FAM25C: variants seen among roughly 807,000 people sequenced by gnomAD.
FAM25C encodes family with sequence similarity 25 member C.
Under a neutral mutation model 9.6 loss-of-function variants are expected in FAM25C, and 4 were observed. That is an observed-to-expected ratio of 0.42 (90% CI 0.20 to 0.95). The LOEUF (loss-of-function observed/expected upper bound fraction) is 0.95, where lower values mean the gene tolerates loss of function less well. FAM25C is among the 40% of genes least tolerant of loss of function. The pLI, the probability that FAM25C is intolerant of heterozygous loss-of-function variation, is 0.31. For missense variants in FAM25C, 38 were observed against 110.4 expected, an observed-to-expected ratio of 0.34 and a Z score of 2.94; for synonymous variants, 23 against 44.1, an observed-to-expected ratio of 0.52 and a Z score of 1.89.
chr10:47,995,563 T>C (rs1842790027), intron 2 of FAM25C, 52 bp from the exon 3 acceptor site: 4 of 1,533,694 alleles, frequency 2.6e-6, no homozygotes, highest in Non-Finnish European at 3.5e-6. Context: ...GCTGAACTTG[T>C]GTCCCCTTGA....
intron 2 of FAM25C, among the ~76,000 whole-genome samples, chr10:47,997,312 T>C (rs1243893321): frequency 6.9e-6 from 1 of 144,532 alleles, no homozygotes; most frequent in Non-Finnish European, 1.5e-5. Context: ...GGTTTCACCG[T>C]GTTAGCCAGG....
intron 2 of FAM25C, among the ~76,000 whole-genome samples, chr10:47,996,762 G>C (rs1555256509): frequency 7.4e-6 from 1 of 135,370 alleles, no homozygotes; most frequent in Admixed American, 7.4e-5. Context: ...TTTGTACATA[G>C]TACTACTCAT....
intron 2 of FAM25C, among the ~76,000 whole-genome samples, chr10:47,997,096 G>A (rs3125113): frequency 8.2e-5 from 12 of 145,626 alleles, no homozygotes; most frequent in South Asian, 2.2e-4. Context: ...TGGGATTACA[G>A]GCGTGAGCCA....
At chr10:47,997,540 T>C in intron 2 of FAM25C, 137 bp downstream of exon 2, 2 of 794,640 alleles carry the variant, frequency 2.5e-6, no homozygotes, top group Non-Finnish European at 4.2e-6. Context: ...CATAGATAAC[T>C]GCCCCAGCCA....
chr10:47,998,167 G>C (rs1289514666), intron 1 of FAM25C, among the ~76,000 whole-genome samples: 2 of 151,380 alleles, frequency 1.3e-5, no homozygotes, highest in Non-Finnish European at 3.0e-5. Flanking sequence ...GGCTGGGCCT[G>C]TGTGCCAGGT....
At chr10:47,998,541 G>T (rs1335929108) in intron 1 of FAM25C, among the ~76,000 whole-genome samples, 2 of 126,406 alleles carry the variant, frequency 1.6e-5, no homozygotes, top group Admixed American at 8.1e-5. Flanking sequence ...TGTGGAGGCT[G>T]CGAAGGCCCC....
intron 2 of FAM25C, among the ~76,000 whole-genome samples, chr10:47,997,186 G>T (rs1198780396): frequency 1.3e-4 from 19 of 148,054 alleles, no homozygotes; most frequent in Admixed American, 5.4e-4. Flanking sequence ...TAGGCTCACT[G>T]CAAGCTCTGC....
chr10:47,997,335 T>C (rs1288708221), intron 2 of FAM25C, among the ~76,000 whole-genome samples: 1 of 151,424 alleles, frequency 6.6e-6, no homozygotes, highest in African/African-American at 2.4e-5. Context: ...GGTCTCGATC[T>C]CCTGACCTCG....
intron 2 of FAM25C, 125 bp downstream of exon 2, chr10:47,997,552 G>A (rs1842820017): frequency 1.3e-6 from 1 of 790,230 alleles, no homozygotes; most frequent in African/African-American, 1.7e-5. Flanking sequence ...CCCCAGCCAA[G>A]AGGCTCTGAA....
intron 1 of FAM25C, among the ~76,000 whole-genome samples, chr10:47,998,121 G>A (rs1202008746): frequency 6.6e-6 from 1 of 151,526 alleles, no homozygotes; most frequent in African/African-American, 2.4e-5. Context: ...GAATGGCAAT[G>A]AGCAGGCAGT....
At chr10:47,997,797 T>G (rs1842824815) in intron 1 of FAM25C, 58 bp from the exon 2 acceptor site, 6 of 1,530,594 alleles carry the variant, frequency 3.9e-6, no homozygotes. Flanking sequence ...TGCCCCTGAG[T>G]CCAGGGTGAG....
chr10:47,997,987 G>C (rs1589113481), intron 1 of FAM25C, among the ~76,000 whole-genome samples: 1 of 150,172 alleles, frequency 6.7e-6, no homozygotes, highest in South Asian at 2.1e-4. Flanking sequence ...ACTGGCTCAT[G>C]AGAAGGACCT....
chr10:47,995,556 G>C lies in FAM25C; in HGVS notation c.137-45C>G. On this transcript the variant is annotated intron_variant, in intron 2 of 2. Coordinates refer to ENST00000617224, the MANE Select transcript of FAM25C (RefSeq NM_001137548.3). ...AGAATGTCCTAGTGATCCACCTGCT[G>C]AACTTGTGTCCCCTTGAGTGGCCTG... The C allele has an allele frequency of 2.0e-6, 3 of 1,534,164 alleles. No homozygotes were observed. The South Asian group carries it at 3.6e-5, about 18-fold the overall frequency.
At chr10:47,995,751 T>G (rs1488487639) in intron 2 of FAM25C, among the ~76,000 whole-genome samples, 1 of 148,766 alleles carries the variant, frequency 6.7e-6, no homozygotes, top group Non-Finnish European at 1.5e-5. Context: ...TGCCTGCTTA[T>G]CCTTTTTTCT....
At chr10:47,998,716 CCTCAGCTTTTCTCCCAACA>C (rs369752705) in intron 1 of FAM25C, among the ~76,000 whole-genome samples, 41,146 of 132,026 alleles carry the variant, frequency 0.31, 7,591 homozygotes, top group Non-Finnish European at 0.4. Context: ...GCAAGCCCTG[CCTCAGCTTTTCTCCCAACA>C]CTCAGCTTTT....
At chr10:47,997,976 G>A (rs1555256662) in intron 1 of FAM25C, among the ~76,000 whole-genome samples, 1 of 149,822 alleles carries the variant, frequency 6.7e-6, no homozygotes, top group African/African-American at 2.5e-5. Context: ...AGCCAGGACA[G>A]ACTGGCTCAT....
At chr10:47,997,311 G>C (rs1180273817) in intron 2 of FAM25C, among the ~76,000 whole-genome samples, 6 of 143,844 alleles carry the variant, frequency 4.2e-5, no homozygotes, top group Non-Finnish European at 9.1e-5. Context: ...GGGTTTCACC[G>C]TGTTAGCCAG....
chr10:47,996,800 A>ACATAGAAT (rs1555256518), intron 2 of FAM25C, among the ~76,000 whole-genome samples: 1 of 143,816 alleles, frequency 7.0e-6, no homozygotes, highest in Non-Finnish European at 1.5e-5. Flanking sequence ...TTAACATTTA[A>ACATAGAAT]CATAGAATTT....
intron 2 of FAM25C, among the ~76,000 whole-genome samples, chr10:47,995,857 T>C (rs1842793418): frequency 6.6e-6 from 1 of 150,816 alleles, no homozygotes; most frequent in Admixed American, 6.6e-5. Flanking sequence ...AGTGTATAAT[T>C]TTTCTTTTGG....
Sources: allele counts gnomAD v4.1 joint callset (sites outside exome capture counted in the v4.1 genomes callset), GRCh38; gene constraint gnomAD v4.1.1; transcripts MANE v1.5; gene names NCBI Gene and HGNC (gene_info 2026-07-23, HGNC 2026-07-21).